The following ITGA7 variants were observed in gnomAD, a reference collection of about 807,000 sequenced individuals.
ITGA7 encodes the protein integrin subunit alpha 7.
ITGA7 carries 84 observed loss-of-function variants against 131.6 expected under a neutral mutation model. The observed-to-expected ratio is 0.64, with a 90% CI of 0.54 to 0.77. The LOEUF is 0.77. ITGA7 is among the 30% of genes least tolerant of loss of function. The pLI is 0.00. For missense variants in ITGA7, 1,399 were observed against 1,482.9 expected (o/e 0.94, Z 0.93); for synonymous variants, 548 against 600.7 (o/e 0.91, Z 1.28).
chr12:55,708,944 A>G (rs938995317), upstream of ITGA7, among the ~76,000 whole-genome samples: 3 of 152,042 alleles, frequency 2.0e-5, no homozygotes, highest in Non-Finnish European at 2.9e-5. Context: ...ACACTTTCCA[A>G]CTCTCTGCTA....
chr12:55,699,400 AG>A, intron 5 of ITGA7: 1 of 285,984 alleles, frequency 3.5e-6, no homozygotes, highest in South Asian at 3.6e-5. Context: ...CACATGGATG[AG>A]GGGGAGACAA....
In ITGA7 at chr12:55,697,272, T is replaced by C. The variant is rs750220462; in HGVS notation, c.1511A>G (p.Asp504Gly). Residue 504 changes from aspartate to glycine, a missense_variant, in exon 11 of 25, where the codon GAC becomes GGC. By Grantham distance (94) the Asp-to-Gly change is moderately conservative (BLOSUM62 -1). Transcript: ENST00000257879. ...AATGTAGCTGAAACAGACCCTTAGGTCCACACTGCGGGGGCAAAGGTGGCT... is the reference window on the plus strand; with the variant it reads ...AATGTAGCTGAAACAGACCCTTAGGCCCACACTGCGGGGGCAAAGGTGGCT... ...NCAGGHSVCV[D>G]LRVCFSYIAV... The C allele has an allele frequency of 8.8e-6, 14 of 1,594,290 alleles. No individual in the cohort carries two copies. Among genetic ancestry groups the C allele is most frequent in the African/African-American group, 1.3e-5 (1 of 74,700 alleles).
At position 55,697,298 on chromosome 12, in the gene ITGA7, C is replaced by A. The variant is rs368402430; in HGVS notation, c.1506-21G>T. ...CCACACTGCGGGGGCAAAGGTGGCT[C>A]CTGAGCCAAACGAGGCTGATGGGCC... is the stretch of plus-strand genomic sequence containing the variant. On this transcript the variant is annotated intron_variant, in intron 10 of 24. Coordinates refer to ENST00000257879, the MANE Select transcript of ITGA7 (RefSeq NM_002206.3). 5.1e-4 allele frequency: 816 copies of A among 1,589,166 alleles called. 4 individuals are homozygous for A. The Middle Eastern group carries it at 0.012, about 24-fold the overall frequency.
In ITGA7 at chr12:55,697,684, G is replaced by A. The variant is rs748472564; in HGVS notation, c.1409+11C>T. ...CGGCCTCAGGGAGGGAAAAGGTTGAGAGGGGCTCACCTGAAGAGCACTGCG... is the reference window on the plus strand; with the variant it reads ...CGGCCTCAGGGAGGGAAAAGGTTGAAAGGGGCTCACCTGAAGAGCACTGCG... On this transcript the variant is annotated intron_variant, in intron 9 of 24. Coordinates refer to ENST00000257879, the MANE Select transcript of ITGA7 (RefSeq NM_002206.3). 8 of 1,614,068 alleles carry A rather than the reference G, an allele frequency of 5.0e-6. No homozygotes were observed. The highest frequency in any genetic ancestry group is 6.8e-6 in the Non-Finnish European group (8 of 1,180,030).
At chr12:55,716,261 G>C, upstream of ITGA7, 2 of 1,551,562 alleles carry the variant, frequency 1.3e-6, no homozygotes, top group Non-Finnish European at 1.7e-6. Flanking sequence ...CCGGAGCCTG[G>C]ATCTCGAGTA....
intron 1 of ITGA7, 108 bp from the exon 2 acceptor site, chr12:55,703,286 CA>C (rs1592479258): frequency 8.0e-7 from 1 of 1,257,580 alleles, no homozygotes; most frequent in East Asian, 2.5e-5. Flanking sequence ...AGAGAGTGTT[CA>C]AGGACTAAAG....
At chr12:55,687,884 G>A in intron 24 of ITGA7, 87 bp downstream of exon 24, 6 of 1,561,826 alleles carry the variant, frequency 3.8e-6, no homozygotes, top group South Asian at 1.1e-5. Context: ...ATACATGAGT[G>A]TGTGGGTGGG....
At chr12:55,712,072 A>T, upstream of ITGA7, 1 of 1,551,418 alleles carries the variant, frequency 6.4e-7, no homozygotes, top group Non-Finnish European at 8.7e-7. Context: ...CCTCTCCAGC[A>T]CTGGAATCCT....
At chr12:55,702,078 C>T (rs1189366034) in intron 3 of ITGA7, among the ~76,000 whole-genome samples, 1 of 152,142 alleles carries the variant, frequency 6.6e-6, no homozygotes, top group Non-Finnish European at 1.5e-5. Context: ...TACAATGGTG[C>T]GATCTCAGCT....
rs780808115 is a variant in ITGA7, at chr12:55,697,465, G to A, written c.1491C>T (p.Gly497=). 1.4e-5 allele frequency: 23 copies of A among 1,613,868 alleles called. No individual in the cohort carries two copies. The highest frequency in any genetic ancestry group is 6.7e-5 in the African/African-American group (5 of 74,932). The change falls in exon 10 of 25, where the codon GGC becomes GGT. Residue 497 remains glycine, a synonymous_variant. Transcript: ENST00000257879. ...TCCCACCTCACCAGACCGAGTGGCC[G>A]CCAGCACAGTTGGGCTGCTCCAGGT... The part of the protein sequence containing the change: ...SIDLEQPNCA[G]GHSVCVDLRV...
intron 4 of ITGA7, 118 bp from the exon 5 acceptor site, chr12:55,700,107 A>T: frequency 6.9e-7 from 1 of 1,446,962 alleles, no homozygotes; most frequent in African/African-American, 1.4e-5. Context: ...TGGAGAGAGA[A>T]AAAGAGACCA....
At chr12:55,696,535 T>C (rs895964164) in intron 12 of ITGA7, 103 bp from the exon 13 acceptor site, 15 of 1,297,022 alleles carry the variant, frequency 1.2e-5, no homozygotes, top group East Asian at 7.5e-5. Context: ...TTGGAAAGAA[T>C]ATTAGGGAGA....
chr12:55,701,665 C>T (rs1016558357), intron 3 of ITGA7, among the ~76,000 whole-genome samples: 2 of 152,016 alleles, frequency 1.3e-5, no homozygotes, highest in African/African-American at 2.4e-5. Context: ...ACTGCAGCCT[C>T]GACCTCCAGG....
upstream of ITGA7, chr12:55,716,225 C>A: frequency 6.3e-7 from 1 of 1,583,976 alleles, no homozygotes; most frequent in South Asian, 1.1e-5. Context: ...CGGCCGTTTT[C>A]TCTTCGGCCG....
At chr12:55,696,620 G>T (rs1417091721) in intron 12 of ITGA7, among the ~76,000 whole-genome samples, 188 bp from the exon 13 acceptor site, 6 of 152,264 alleles carry the variant, frequency 3.9e-5, no homozygotes, top group East Asian at 1.9e-4. Flanking sequence ...AACCTTTAGG[G>T]CTTTGAGGAC....
upstream of ITGA7, among the ~76,000 whole-genome samples, chr12:55,710,941 T>C (rs1876051841): frequency 6.6e-6 from 1 of 152,158 alleles, no homozygotes; most frequent in Admixed American, 6.5e-5. Context: ...TGTATCTTGA[T>C]TGTGGTGGTG....
At position 55,692,919 on chromosome 12, in the gene ITGA7, C is replaced by A. The variant is rs759248361; in HGVS notation, c.2769G>T (p.Glu923Asp). 6.2e-7 allele frequency: 1 copy of A among 1,614,162 alleles called. No homozygotes were observed. Among genetic ancestry groups the A allele is most frequent in the Non-Finnish European group, 8.5e-7 (1 of 1,180,032 alleles). Residue 923 changes from glutamate (E) to aspartate (D), a missense_variant, in exon 21 of 25, where the codon GAG becomes GAT. Transcript: ENST00000257879. ...TGCTGGGCTCCTGCCGCTCACCAGG[C>A]TCCTGCTGCTCAGGTGGCTCCAGCT... ...RRELEPPEQQEPGERQEPSMS... is the reference protein window; with the variant it reads ...RRELEPPEQQDPGERQEPSMS...
In ITGA7 at chr12:55,692,989, G is replaced by C. The variant is rs769445288; in HGVS notation, c.2713-14C>G. On this transcript the variant is annotated splice_polypyrimidine_tract_variant and intron_variant, in intron 20 of 24. Coordinates refer to ENST00000257879, the MANE Select transcript of ITGA7 (RefSeq NM_002206.3). Reference sequence around the variant, plus strand: ...ACTGTCCACATCCTGGACACGGAAGGGGGGTCTTAGTGAGTGTCCCTCCAA... The same window carrying C: ...ACTGTCCACATCCTGGACACGGAAGCGGGGTCTTAGTGAGTGTCCCTCCAA... 1.9e-6 allele frequency: 3 copies of C among 1,613,782 alleles called. No homozygotes were observed. Among genetic ancestry groups the C allele is most frequent in the Admixed American group, 3.3e-5 (2 of 60,006 alleles).
At chr12:55,689,958 T>C (rs1016904996) in intron 21 of ITGA7, among the ~76,000 whole-genome samples, 1 of 152,188 alleles carries the variant, frequency 6.6e-6, no homozygotes, top group African/African-American at 2.4e-5. Flanking sequence ...TAACACCTTA[T>C]ACAAAAATTA....
Sources: gnomAD v4.1 joint callset for allele counts (sites outside exome capture counted in the v4.1 genomes callset) on GRCh38, gnomAD v4.1.1 for gene constraint, MANE v1.5 for transcripts, NCBI Gene and HGNC (gene_info 2026-07-23, HGNC 2026-07-21) for gene names.